Variants in FRMPD3 observed in about 807,000 individuals in gnomAD.
FRMPD3 encodes FERM and PDZ domain-containing protein 3.
Under a neutral mutation model 97.9 loss-of-function variants are expected in FRMPD3, and 42 were observed. The observed-to-expected ratio is 0.43, with a 90% CI of 0.34 to 0.55. The LOEUF (loss-of-function observed/expected upper bound fraction) is 0.55, where lower values mean the gene tolerates loss of function less well. Ranked by LOEUF, FRMPD3 falls within the 20% of genes least tolerant of loss-of-function variation. FRMPD3 has a pLI of 0.03. For missense variants in FRMPD3, 1,303 were observed against 1,457.7 expected (o/e 0.89, Z 1.73); for synonymous variants, 577 against 581.1 (o/e 0.99, Z 0.10).
chrX:107,498,952 C>T lies in FRMPD3; in HGVS notation c.-7-27630C>T, dbSNP rs374701015. Among the ~76,000 whole-genome samples the T allele has an allele frequency of 8.1e-5, 9 of 110,849 alleles. No individual in the cohort carries two copies. The East Asian group carries it at 1.1e-3, about 14-fold the overall frequency. ...GAGGTTTGCTGGGAGCCAGAGAGAC[C>T]CCAACCAAAATGTGGCTGCTAGGGT... On this transcript the variant is annotated intron_variant, in intron 1 of 14. Coordinates refer to ENST00000683843, the MANE Select transcript of FRMPD3 (RefSeq NM_001388459.1).
intron 1 of FRMPD3, among the ~76,000 whole-genome samples, chrX:107,472,678 C>T (rs1024867333): frequency 9.0e-6 from 1 of 111,663 alleles, no homozygotes; most frequent in Non-Finnish European, 1.9e-5. Flanking sequence ...GGGTCTGAGG[C>T]GCTAGGTAGA....
At chrX:107,518,955 A>G (rs1208840479) in intron 1 of FRMPD3, among the ~76,000 whole-genome samples, 1 of 112,669 alleles carries the variant, frequency 8.9e-6, no homozygotes, top group Non-Finnish European at 1.9e-5. Flanking sequence ...ATGCTAAGCA[A>G]AATATGCTAG....
intron 4 of FRMPD3, among the ~76,000 whole-genome samples, chrX:107,534,281 G>A (rs1319815575): frequency 9.0e-6 from 1 of 111,555 alleles, no homozygotes; most frequent in Non-Finnish European, 1.9e-5. Flanking sequence ...CACAAACCCA[G>A]GTGCACAACT....
At chrX:107,455,685 A>G (rs996334186) in intron 1 of FRMPD3, among the ~76,000 whole-genome samples, 1 of 111,946 alleles carries the variant, frequency 8.9e-6, no homozygotes, top group Non-Finnish European at 1.9e-5. Flanking sequence ...GTTGAATTGG[A>G]CCAAATACTT....
chrX:107,512,190 G>C (rs1242070807), intron 1 of FRMPD3, among the ~76,000 whole-genome samples: 2 of 110,449 alleles, frequency 1.8e-5, no homozygotes, highest in South Asian at 3.9e-4. Context: ...ATCCCCATCT[G>C]TGAGATGGGG....
intron 1 of FRMPD3, among the ~76,000 whole-genome samples, chrX:107,468,649 C>T (rs1012883731): frequency 8.9e-6 from 1 of 112,374 alleles, no homozygotes; most frequent in African/African-American, 3.2e-5. Context: ...GTCTACATTG[C>T]GTGCCTCAGA....
In FRMPD3 at chrX:107,475,947, A is replaced by ATGTG. The variant is rs1921187773; in HGVS notation, c.-8+25942_-8+25943insTGTG. 4.4e-5 allele frequency among the ~76,000 whole-genome samples: 5 copies of ATGTG among 112,378 alleles called. No homozygotes were observed. In the East Asian group the frequency reaches 1.4e-3, roughly 31 times the overall value. On this transcript the variant is annotated intron_variant, in intron 1 of 14. Transcript: ENST00000683843. ...TCGCCAGGCTGGAGTGCAGTGGCAC[A>ATGTG]ATCTCGGCTCACTGTAACCTCCGCC... is the stretch of plus-strand genomic sequence containing the variant.
intron 1 of FRMPD3, among the ~76,000 whole-genome samples, chrX:107,474,979 T>C (rs1212329157): frequency 9.0e-6 from 1 of 111,155 alleles, no homozygotes; most frequent in African/African-American, 3.3e-5. Flanking sequence ...GGAGAACGGG[T>C]GTATATTTCA....
intron 1 of FRMPD3, among the ~76,000 whole-genome samples, chrX:107,489,785 G>A (rs1165180584): frequency 9.0e-6 from 1 of 111,686 alleles, no homozygotes; most frequent in African/African-American, 3.3e-5. Flanking sequence ...CATTTTGTGG[G>A]TTGCCTGTTC....
rs1361973129 is a variant in FRMPD3, at chrX:107,477,371, T to C, written c.-8+27366T>C. Among the ~76,000 whole-genome samples the C allele has an allele frequency of 5.4e-5, 6 of 110,960 alleles. No individual in the cohort carries two copies. The East Asian group carries it at 1.7e-3, about 32-fold the overall frequency. ...GGGGGGCTGGGGGGTGGGGAGAACC[T>C]ACTGCAGAGAGAACTGTTGGGGGAG... On this transcript the variant is annotated intron_variant, in intron 1 of 14. Coordinates refer to ENST00000683843, the MANE Select transcript of FRMPD3 (RefSeq NM_001388459.1).
rs868341687 is a variant in FRMPD3 at position 107,530,481 on chromosome X, C to A, written c.221C>A (p.Ala74Asp). 5.0e-6 allele frequency: 6 copies of A among 1,191,376 alleles called. No homozygotes were observed. Among genetic ancestry groups the A allele is most frequent in the South Asian group, 3.7e-5 (2 of 54,085 alleles). ...VAINEEDVSE[A>D]PRERLIELIR... is the part of the protein sequence containing the mutation. ...ATTAATGAGGAAGACGTGAGTGAAG[C>A]CCCGAGGGAGAGACTCATAGAACTT... The change falls in exon 3 of 15, where the codon GCC becomes GAC. Residue 74 changes from alanine to aspartate, a missense_variant. Ala to Asp is a moderately radical substitution (Grantham distance 126). Transcript: ENST00000683843.
chrX:107,588,078 C>T (rs1292830774), intron 13 of FRMPD3, among the ~76,000 whole-genome samples: 2 of 111,486 alleles, frequency 1.8e-5, no homozygotes, highest in Middle Eastern at 4.2e-3. Flanking sequence ...CCCAGCCTGG[C>T]CCCCAGTCTC....
rs999412008 is a variant in FRMPD3 at position 107,604,954 on chromosome X, C to G, written c.*1581C>G. On this transcript the variant is annotated 3_prime_UTR_variant, in exon 15 of 15. Coordinates refer to ENST00000683843, the MANE Select transcript of FRMPD3 (RefSeq NM_001388459.1). ...CCTCACTTCCTTGCTTCTCCTCCCC[C>G]AGGACCAAGTTGTTGAATGGGCCAG... 5.4e-5 allele frequency: 6 copies of G among 110,096 alleles called. No individual in the cohort carries two copies. The allele number at this position is 110,096 out of a possible 1,213,427, so 9.1% of individuals were successfully genotyped here. A position where few individuals can be genotyped will look rare whatever the true frequency, so the allele number is the denominator to read the frequency against.
chrX:107,520,711 T>C (rs1286168178), intron 1 of FRMPD3, among the ~76,000 whole-genome samples: 1 of 111,751 alleles, frequency 8.9e-6, no homozygotes, highest in East Asian at 2.8e-4. Flanking sequence ...TTGGCACAAA[T>C]TGTGGAAGAT....
chrX:107,482,430 C>T (rs748662295), intron 1 of FRMPD3, among the ~76,000 whole-genome samples: 2 of 112,020 alleles, frequency 1.8e-5, no homozygotes, highest in African/African-American at 3.2e-5. Flanking sequence ...GTCTGTTACA[C>T]CTGGCCCAAC....
rs746869363 is a variant in FRMPD3, at chrX:107,602,555, G to A, written c.4516G>A (p.Ala1506Thr). The A allele has an allele frequency of 1.7e-6, 2 of 1,210,738 alleles. No individual in the cohort carries two copies. The highest frequency in any genetic ancestry group is 3.0e-5 in the East Asian group (1 of 33,801). ...CTTCTACTACCGCAAGTGTGACATG[G>A]CAGATGATGCCAGTGATGGCAAGGA... ...YCFYYRKCDMADDASDGKDEL... is the reference protein window; with the variant it reads ...YCFYYRKCDMTDDASDGKDEL... Residue 1506 changes from alanine (A) to threonine (T), a missense_variant, in exon 15 of 15, where the codon GCA (alanine) becomes ACA (threonine). Coordinates refer to ENST00000683843, the MANE Select transcript of FRMPD3 (RefSeq NM_001388459.1).
chrX:107,487,034 C>T (rs188124066), intron 1 of FRMPD3, among the ~76,000 whole-genome samples: 19 of 103,635 alleles, frequency 1.8e-4, no homozygotes, highest in Middle Eastern at 4.7e-3. Flanking sequence ...CACCTGAGGT[C>T]AGGAGTTCGA....
At chrX:107,562,983 C>T in intron 10 of FRMPD3, 128 bp from the exon 11 acceptor site, 1 of 474,963 alleles carries the variant, frequency 2.1e-6, no homozygotes, top group African/African-American at 2.4e-5. Context: ...AGGGCATCTT[C>T]ACATCTCCAC....
chrX:107,552,033 G>T (rs1921887805), intron 6 of FRMPD3, among the ~76,000 whole-genome samples: 1 of 112,265 alleles, frequency 8.9e-6, no homozygotes, highest in African/African-American at 3.2e-5. Context: ...TTGGAGCCCA[G>T]TGTATAAGCC....
Sources: gnomAD v4.1 joint callset for allele counts (sites outside exome capture counted in the v4.1 genomes callset) on GRCh38, gnomAD v4.1.1 for gene constraint, MANE v1.5 for transcripts, NCBI Gene and HGNC (gene_info 2026-07-23, HGNC 2026-07-21) for gene names.